PMEPA1: variants seen among roughly 807,000 people sequenced by gnomAD.
PMEPA1 encodes the protein protein TMEPAI.
In PMEPA1, 11 loss-of-function variants were observed where a neutral mutation model predicts 23.0. The ratio of observed to expected loss-of-function variants is 0.48; its 90% CI spans 0.30 to 0.79. The LOEUF (loss-of-function observed/expected upper bound fraction) is 0.79, where lower values mean the gene tolerates loss of function less well. PMEPA1 is among the 30% of genes least tolerant of loss of function. The pLI is 0.06. For missense variants in PMEPA1, 377 were observed against 390.9 expected (o/e 0.96, Z 0.30); for synonymous variants, 204 against 166.4 (o/e 1.23, Z -1.74).
At chr20:57,698,642 C>T (rs991227101) in intron 1 of PMEPA1, among the ~76,000 whole-genome samples, 1 of 152,222 alleles carries the variant, frequency 6.6e-6, no homozygotes, top group Non-Finnish European at 1.5e-5. Flanking sequence ...TGGCCAGCTA[C>T]AGACATCAGC....
chr20:57,672,137 A>G (rs1410681019), intron 1 of PMEPA1, among the ~76,000 whole-genome samples: 1 of 152,274 alleles, frequency 6.6e-6, no homozygotes, highest in South Asian at 2.1e-4. Context: ...TTGCATTTTT[A>G]TAACAGGCAT....
rs2071197128 is a variant in PMEPA1, at chr20:57,649,745, G to A, written c.*2308C>T. On this transcript the variant is annotated 3_prime_UTR_variant, in exon 4 of 4. Coordinates refer to ENST00000341744, the MANE Select transcript of PMEPA1 (RefSeq NM_020182.5). ...GCTAGGCACCTCCCTGGTAGAGACAGGGTGAGGACGCGCGAGGATGATGGG... is the reference window on the plus strand; with the variant it reads ...GCTAGGCACCTCCCTGGTAGAGACAAGGTGAGGACGCGCGAGGATGATGGG... The A allele has an allele frequency of 6.6e-6, 1 of 152,592 alleles. No individual in the cohort carries two copies. The highest frequency in any genetic ancestry group is 2.1e-4 in the South Asian group (1 of 4,818). 9.5% of individuals were successfully genotyped at this position (152,592 alleles called of 1,614,324 possible).
At position 57,652,564 on chromosome 20, in the gene PMEPA1, C is replaced by CGGTCGG. The variant is rs749051722; in HGVS notation, c.347_352dup (p.Asp117_Arg118insProAsp). The CGGTCGG allele has an allele frequency of 5.9e-6, 9 of 1,520,168 alleles. No individual in the cohort carries two copies. The Admixed American group carries it at 8.7e-5, about 15-fold the overall frequency. 94.2% of individuals were successfully genotyped at this position (1,520,168 alleles called of 1,614,324 possible). ...CTGGGCGAAGGGCGGCACGGCCAGG[C>CGGTCGG]GGTCGGTGGGCCGAGGCGGGGCGTA... On this transcript the variant is annotated inframe_insertion, in exon 4 of 4. Transcript: ENST00000341744. The surrounding 1 kb of genome is among the most constrained non-coding windows in gnomAD (Gnocchi z 6.1).
rs990524231 is a variant in PMEPA1, at chr20:57,683,329, G to A, written c.110-23632C>T. Among the ~76,000 whole-genome samples the A allele has an allele frequency of 2.6e-5, 4 of 152,174 alleles. No homozygotes were observed. Among genetic ancestry groups the A allele is most frequent in the African/African-American group, 9.7e-5 (4 of 41,436 alleles). Reference sequence around the variant, plus strand: ...ATACTGTTGCCATTCAGTTCTCTATGCCATGCTGGCCTGGTGACTTGGGTT... The same window carrying A: ...ATACTGTTGCCATTCAGTTCTCTATACCATGCTGGCCTGGTGACTTGGGTT... On this transcript the variant is annotated intron_variant, in intron 1 of 3. Coordinates refer to ENST00000341744, the MANE Select transcript of PMEPA1 (RefSeq NM_020182.5). This position sits in a 1 kb window ranked among gnomAD's most constrained non-coding sequence, Gnocchi z 4.3.
intron 1 of PMEPA1, chr20:57,690,506 T>A (rs1231868814): frequency 7.7e-7 from 1 of 1,299,952 alleles, no homozygotes; most frequent in Non-Finnish European, 1.0e-6. Flanking sequence ...AGAAGAGCCA[T>A]GCTATTTTTA....
At chr20:57,699,023 A>G (rs1212503674) in intron 1 of PMEPA1, among the ~76,000 whole-genome samples, 1 of 152,204 alleles carries the variant, frequency 6.6e-6, no homozygotes, top group East Asian at 1.9e-4. Context: ...TGTATAACTC[A>G]GGGGAATGAA....
intron 1 of PMEPA1, among the ~76,000 whole-genome samples, chr20:57,674,753 T>G (rs1041830988): frequency 4.6e-5 from 7 of 152,216 alleles, no homozygotes; most frequent in African/African-American, 1.7e-4. Flanking sequence ...CGCATATATT[T>G]ATCGTGCCCC....
At chr20:57,670,138 G>A (rs1296320980) in intron 1 of PMEPA1, among the ~76,000 whole-genome samples, 1 of 150,026 alleles carries the variant, frequency 6.7e-6, no homozygotes, top group East Asian at 2.0e-4. Context: ...GCCCCAAGGT[G>A]GCATCCAGGC....
chr20:57,679,619 C>T (rs748668731), intron 1 of PMEPA1, among the ~76,000 whole-genome samples: 3 of 152,156 alleles, frequency 2.0e-5, no homozygotes, highest in African/African-American at 4.8e-5. Context: ...TCCAACCAGG[C>T]GCTCGCTTCC....
chr20:57,653,545 G>T (rs1399406251), intron 2 of PMEPA1, among the ~76,000 whole-genome samples: 1 of 152,228 alleles, frequency 6.6e-6, no homozygotes, highest in Non-Finnish European at 1.5e-5. Context: ...CAGTTCTTGA[G>T]ATTACAGTAC....
intron 1 of PMEPA1, among the ~76,000 whole-genome samples, chr20:57,708,085 G>C (rs2072112549): frequency 6.6e-6 from 1 of 152,046 alleles, no homozygotes; most frequent in Admixed American, 6.5e-5. Flanking sequence ...ACCAAAGCCC[G>C]GCCAGCCTGG....
At chr20:57,690,355 G>T in intron 1 of PMEPA1, 2 of 1,053,414 alleles carry the variant, frequency 1.9e-6, no homozygotes, top group Non-Finnish European at 1.3e-6. Context: ...CGCTACACAT[G>T]CAAATGCTCC....
At chr20:57,668,524 C>T (rs1228030201) in intron 1 of PMEPA1, among the ~76,000 whole-genome samples, 1 of 152,242 alleles carries the variant, frequency 6.6e-6, no homozygotes, top group African/African-American at 2.4e-5. Flanking sequence ...CCCCACAAGA[C>T]ATGAGCTGCA....
chr20:57,685,428 C>T (rs1483687648), intron 1 of PMEPA1, among the ~76,000 whole-genome samples: 9 of 152,224 alleles, frequency 5.9e-5, no homozygotes, highest in Non-Finnish European at 1.3e-4. Context: ...ATTCCGCTGG[C>T]GTGCTGTCTA....
chr20:57,665,946 G>A (rs1250613263), intron 1 of PMEPA1, among the ~76,000 whole-genome samples: 1 of 152,248 alleles, frequency 6.6e-6, no homozygotes, highest in Non-Finnish European at 1.5e-5. Flanking sequence ...GGCAACACAA[G>A]CCGCTGGGAA....
intron 1 of PMEPA1, among the ~76,000 whole-genome samples, chr20:57,665,437 T>C (rs576585848): frequency 7.3e-5 from 11 of 150,428 alleles, no homozygotes; most frequent in Non-Finnish European, 1.5e-4. Flanking sequence ...TCTGGTCCAG[T>C]CCTCGTGCAT....
Position 57,652,548 on chromosome 20 carries a change from G to C in PMEPA1, c.369C>G (p.Pro123=), listed in dbSNP as rs766322769. The part of the protein sequence containing the change: ...PRPTDRLAVP[P]FAQRERFHRF... ...GGTGGAAGCGCTCCCGCTGGGCGAAGGGCGGCACGGCCAGGCGGTCGGTGG... is the reference window on the plus strand; with the variant it reads ...GGTGGAAGCGCTCCCGCTGGGCGAACGGCGGCACGGCCAGGCGGTCGGTGG... Residue 123 remains proline, a synonymous_variant, in exon 4 of 4, where the codon CCC becomes CCG. Coordinates refer to ENST00000341744, the MANE Select transcript of PMEPA1 (RefSeq NM_020182.5). This position sits in a 1 kb window ranked among gnomAD's most constrained non-coding sequence, Gnocchi z 6.1. 5.8e-6 allele frequency: 9 copies of C among 1,538,514 alleles called. No individual in the cohort carries two copies. Among genetic ancestry groups the C allele is most frequent in the Admixed American group, 2.0e-5 (1 of 49,998 alleles).
intron 1 of PMEPA1, among the ~76,000 whole-genome samples, chr20:57,663,333 C>T (rs1022718100): frequency 2.6e-5 from 4 of 152,150 alleles, no homozygotes. Context: ...CAGGGAAGCA[C>T]AGTGGCTCTC....
intron 1 of PMEPA1, among the ~76,000 whole-genome samples, chr20:57,698,191 G>C (rs577231629): frequency 6.6e-6 from 1 of 152,226 alleles, no homozygotes; most frequent in South Asian, 2.1e-4. Flanking sequence ...ATTGAGCTGC[G>C]ATCTATCCTA....
Sources: allele counts gnomAD v4.1 joint callset (sites outside exome capture counted in the v4.1 genomes callset), GRCh38; gene constraint gnomAD v4.1.1; non-coding constraint Gnocchi (gnomAD v3.1); transcripts MANE v1.5; gene names NCBI Gene and HGNC (gene_info 2026-07-23, HGNC 2026-07-21).